The following FREM2 variants were observed in gnomAD, a reference collection of about 807,000 sequenced individuals.
The protein encoded by FREM2 is FRAS1 related extracellular matrix 2.
A neutral mutation model predicts 219.9 loss-of-function variants in FREM2; 119 were observed. The ratio of observed to expected loss-of-function variants is 0.54; its 90% CI spans 0.47 to 0.63. The LOEUF (loss-of-function observed/expected upper bound fraction) is 0.63, where lower values mean the gene tolerates loss of function less well. Ranked by LOEUF, FREM2 falls within the 30% of genes least tolerant of loss-of-function variation. The pLI is 0.00. For synonymous variants in FREM2, 1,562 were observed against 1,522.8 expected (o/e 1.03, Z -0.60); for missense variants, 4,030 against 3,993.6 (o/e 1.01, Z -0.25).
At position 38,690,807 on chromosome 13, in the gene FREM2, G is replaced by A. The variant is rs1490450128; in HGVS notation, c.3463G>A (p.Gly1155Arg). 5.0e-6 allele frequency: 8 copies of A among 1,614,010 alleles called. No homozygotes were observed. Among genetic ancestry groups the A allele is most frequent in the Non-Finnish European group, 6.8e-6 (8 of 1,180,042 alleles). The change falls in exon 1 of 24, where the codon GGG (glycine) becomes AGG (arginine). Residue 1155 changes from glycine to arginine, a missense_variant. This residue lies in a region of FREM2 where 3,102 missense variants were observed against 2,950.7 expected (regional missense o/e 1.05). Coordinates refer to ENST00000280481, the MANE Select transcript of FREM2 (RefSeq NM_207361.6). ...AAACTATGTCCAGAGTGTCCATAAA[G>A]GGGTGGAACCTGTGGAGGACCGATT... Reference protein sequence around the residue: ...HINYVQSVHKGVEPVEDRFVF... With the variant: ...HINYVQSVHKRVEPVEDRFVF...
chr13:38,850,589 T>A (rs1877333673), intron 9 of FREM2, among the ~76,000 whole-genome samples: 1 of 152,214 alleles, frequency 6.6e-6, no homozygotes, highest in Non-Finnish European at 1.5e-5. Flanking sequence ...TGAGGTCAGA[T>A]TAACAATGAT....
chr13:38,764,541 C>A, intron 3 of FREM2, 91 bp downstream of exon 3: 1 of 780,590 alleles, frequency 1.3e-6, no homozygotes, highest in Non-Finnish European at 2.0e-6. Flanking sequence ...GTTTAGTTCA[C>A]TTAGAGCTTA....
At chr13:38,727,684 A>G (rs1206110831) in intron 2 of FREM2, among the ~76,000 whole-genome samples, 1 of 152,252 alleles carries the variant, frequency 6.6e-6, no homozygotes, top group Non-Finnish European at 1.5e-5. Flanking sequence ...ATGTGCACCA[A>G]GTACATTACA....
rs1436384978 is a variant in FREM2, at chr13:38,689,084, G to T, written c.1740G>T (p.Leu580=). 6 of 1,613,918 alleles carry T rather than the reference G, an allele frequency of 3.7e-6. No homozygotes were observed. Among genetic ancestry groups the T allele is most frequent in the Non-Finnish European group, 3.4e-6 (4 of 1,180,004 alleles). Reference sequence around the variant, plus strand: ...CAGAGGGTGAAACAGTGCCCATCCTGCCCCTTTCCCTGAGTGCAACTGACA... The same window carrying T: ...CAGAGGGTGAAACAGTGCCCATCCTTCCCCTTTCCCTGAGTGCAACTGACA... ...TLAEGETVPI[L]PLSLSATDMD... The change falls in exon 1 of 24, where the codon CTG becomes CTT. Residue 580 remains leucine (L), a synonymous_variant. Transcript: ENST00000280481.
At chr13:38,748,147 A>G (rs1029070843) in intron 2 of FREM2, among the ~76,000 whole-genome samples, 1 of 152,224 alleles carries the variant, frequency 6.6e-6, no homozygotes, top group Non-Finnish European at 1.5e-5. Context: ...GGGGCATTAT[A>G]TAGTTAAGTT....
chr13:38,872,435 G>C (rs1878190511), intron 16 of FREM2, among the ~76,000 whole-genome samples: 1 of 151,362 alleles, frequency 6.6e-6, no homozygotes, highest in African/African-American at 2.4e-5. Context: ...GAATTACATG[G>C]TATGTAAACT....
chr13:38,862,421 CA>C (rs1170917216), intron 15 of FREM2, among the ~76,000 whole-genome samples: 8 of 152,140 alleles, frequency 5.3e-5, no homozygotes, highest in African/African-American at 1.9e-4. Flanking sequence ...ACTTGAGCTG[CA>C]AAGGGCTGAG....
At chr13:38,700,633 T>C (rs1043563965) in intron 2 of FREM2, among the ~76,000 whole-genome samples, 3 of 152,112 alleles carry the variant, frequency 2.0e-5, no homozygotes, top group Non-Finnish European at 4.4e-5. Flanking sequence ...ATGATTTCTA[T>C]TTGGCAGATG....
At chr13:38,697,504 G>A (rs751739777) in intron 1 of FREM2, among the ~76,000 whole-genome samples, 194 bp from the exon 2 acceptor site, 2 of 152,168 alleles carry the variant, frequency 1.3e-5, no homozygotes, top group East Asian at 3.9e-4. Context: ...ATCTGTGTGA[G>A]GGATCAGGTG....
intron 6 of FREM2, among the ~76,000 whole-genome samples, chr13:38,842,557 C>T (rs948419827): frequency 7.2e-5 from 11 of 152,056 alleles, no homozygotes; most frequent in Admixed American, 2.0e-4. Context: ...TTTTCAGCAC[C>T]GGACAAAAAA....
chr13:38,850,275 A>C (rs1455953563), intron 9 of FREM2, 40 bp downstream of exon 9: 5 of 1,544,522 alleles, frequency 3.2e-6, no homozygotes, highest in Non-Finnish European at 4.5e-6. Flanking sequence ...AATTTGAAGA[A>C]GCCGAATTTT....
intron 2 of FREM2, among the ~76,000 whole-genome samples, chr13:38,727,402 A>T (rs1265502209): frequency 6.6e-6 from 1 of 152,132 alleles, no homozygotes; most frequent in Non-Finnish European, 1.5e-5. Flanking sequence ...TCACTTGAAC[A>T]TGGGAGGTGG....
At chr13:38,767,745 C>G (rs1329695083) in intron 3 of FREM2, among the ~76,000 whole-genome samples, 2 of 152,162 alleles carry the variant, frequency 1.3e-5, no homozygotes, top group Non-Finnish European at 2.9e-5. Context: ...AGAGAGCTGT[C>G]AGGAAGTCTA....
chr13:38,730,011 G>A (rs994176244), intron 2 of FREM2, among the ~76,000 whole-genome samples: 1 of 152,164 alleles, frequency 6.6e-6, no homozygotes, highest in Admixed American at 6.5e-5. Flanking sequence ...TCTCTTTTTT[G>A]TATAATTATT....
chr13:38,750,396 A>G (rs574234746), intron 2 of FREM2, among the ~76,000 whole-genome samples: 1 of 152,174 alleles, frequency 6.6e-6, no homozygotes, highest in Admixed American at 6.5e-5. Flanking sequence ...TTCTGTGCCT[A>G]GCTTATTTTA....
At chr13:38,796,755 T>C (rs1472126445) in intron 6 of FREM2, among the ~76,000 whole-genome samples, 2 of 152,220 alleles carry the variant, frequency 1.3e-5, no homozygotes, top group Admixed American at 6.5e-5. Context: ...CTTTGATATA[T>C]AGGTATCTTT....
At chr13:38,840,905 A>G (rs1434288136) in intron 6 of FREM2, among the ~76,000 whole-genome samples, 2 of 152,136 alleles carry the variant, frequency 1.3e-5, no homozygotes, top group African/African-American at 4.8e-5. Flanking sequence ...TTAGGTTAGC[A>G]TTTCTATATG....
chr13:38,820,298 T>G (rs986035659), intron 6 of FREM2, among the ~76,000 whole-genome samples: 3 of 152,130 alleles, frequency 2.0e-5, no homozygotes, highest in African/African-American at 7.2e-5. Flanking sequence ...TTGTTTTGTC[T>G]TTTTCCCAGT....
At chr13:38,842,795 C>G (rs1877009754) in intron 6 of FREM2, among the ~76,000 whole-genome samples, 1 of 152,148 alleles carries the variant, frequency 6.6e-6, no homozygotes, top group Non-Finnish European at 1.5e-5. Context: ...TAAATTGTTT[C>G]TCTTTGTCTT....
Sources: allele counts gnomAD v4.1 joint callset (sites outside exome capture counted in the v4.1 genomes callset), GRCh38; gene constraint gnomAD v4.1.1; regional missense constraint gnomAD v4.1.1; transcripts MANE v1.5; gene names NCBI Gene and HGNC (gene_info 2026-07-23, HGNC 2026-07-21).